The following DLG5 variants were observed in gnomAD, a reference collection of about 807,000 sequenced individuals.
The protein encoded by DLG5 is discs large MAGUK scaffold protein 5.
In DLG5, 48 loss-of-function variants were observed where a neutral mutation model predicts 189.8. The observed-to-expected ratio is 0.25, with a 90% CI of 0.20 to 0.32. DLG5 has a LOEUF of 0.32. DLG5 is among the 10% of genes least tolerant of loss of function. The probability of loss-of-function intolerance (pLI) is 1.00; values close to 1 mark genes in which losing one functional copy is unlikely to be tolerated. For synonymous variants in DLG5, 1,016 were observed against 1,054.1 expected (o/e 0.96, Z 0.70); for missense variants, 2,160 against 2,544.7 (o/e 0.85, Z 3.25).
At chr10:77,930,660 T>G (rs1846778375), upstream of DLG5, among the ~76,000 whole-genome samples, 1 of 150,706 alleles carries the variant, frequency 6.6e-6, no homozygotes, top group African/African-American at 2.4e-5. Flanking sequence ...ATTTATTTAT[T>G]TTATTCATTT....
intron 20 of DLG5, among the ~76,000 whole-genome samples, chr10:77,815,673 T>C (rs1009234821): frequency 5.3e-5 from 8 of 152,138 alleles, no homozygotes; most frequent in Admixed American, 6.6e-5. Flanking sequence ...AAAAAAAATA[T>C]GTTTTCTTAA....
At chr10:77,816,836 G>T in intron 19 of DLG5, 135 bp from the exon 20 acceptor site, 2 of 1,389,114 alleles carry the variant, frequency 1.4e-6, no homozygotes, top group Non-Finnish European at 2.0e-6. Context: ...CAGATGCTAG[G>T]CTCTGCATTG....
chr10:77,868,174 C>T lies in DLG5; in HGVS notation c.373+955G>A, dbSNP rs1386231877. The T allele has an allele frequency of 3.4e-5, 15 of 445,394 alleles. No individual in the cohort carries two copies. The East Asian group carries it at 3.5e-4, about 10-fold the overall frequency. The allele number at this position is 445,394 out of a possible 1,614,324, so 27.6% of individuals were successfully genotyped here. ...TCTGCTGTGTAAGCCACCTGGTCTGCGGCACTTTGTTATAGCAGCCCTAGA... is the reference window on the plus strand; with the variant it reads ...TCTGCTGTGTAAGCCACCTGGTCTGTGGCACTTTGTTATAGCAGCCCTAGA... On this transcript the variant is annotated intron_variant, in intron 2 of 31. Transcript: ENST00000372391.
intron 21 of DLG5, 24 bp from the exon 22 acceptor site, chr10:77,812,081 C>G (rs1568131742): frequency 6.2e-7 from 1 of 1,606,976 alleles, no homozygotes; most frequent in Non-Finnish European, 8.5e-7. Flanking sequence ...AGGATGGGCT[C>G]AGTGGGGGGG....
In DLG5 at chr10:77,926,271, G is replaced by A. The variant is rs1846689802; in HGVS notation, c.250C>T (p.Pro84Ser). ...ALEKTQPHLL[P>S]ILYLNGVVGP... ...ACGACGCCGTTCAGGTAGAGAATGGGCAGCAGGTGAGGCTGCGTCTTCTCC... is the reference window on the plus strand; with the variant it reads ...ACGACGCCGTTCAGGTAGAGAATGGACAGCAGGTGAGGCTGCGTCTTCTCC... The change falls in exon 1 of 32, where the codon CCC becomes TCC. Residue 84 changes from proline (P) to serine (S), a missense_variant. Pro to Ser is a moderately conservative substitution (Grantham distance 74, BLOSUM62 -1). Transcript: ENST00000372391. This position sits in a 1 kb window ranked among gnomAD's most constrained non-coding sequence, Gnocchi z 5.2. 1.9e-6 allele frequency: 3 copies of A among 1,580,660 alleles called. No homozygotes were observed. Among genetic ancestry groups the A allele is most frequent in the African/African-American group, 1.4e-5 (1 of 72,978 alleles).
At position 77,794,073 on chromosome 10, in the gene DLG5, C is replaced by T. The variant is rs747540998; in HGVS notation, c.5591G>A (p.Arg1864Lys). The T allele has an allele frequency of 2.5e-6, 4 of 1,614,220 alleles. No individual in the cohort carries two copies. The highest frequency in any genetic ancestry group is 3.4e-6 in the Non-Finnish European group (4 of 1,180,036). Reference sequence around the variant, plus strand: ...CGCCTCAAACTGCTCTTTGGAATGCCTCTGAGTCACCTTGTCCCTCAGGTA... The same window carrying T: ...CGCCTCAAACTGCTCTTTGGAATGCTTCTGAGTCACCTTGTCCCTCAGGTA... ...PIYLRDKVTQ[R>K]HSKEQFEAAQ... Residue 1864 changes from arginine (R) to lysine (K), a missense_variant, in exon 31 of 32, where the codon AGG becomes AAG. Arg to Lys is a conservative substitution (Grantham distance 26). Transcript: ENST00000372391.
chr10:77,824,782 G>A (rs1842537915), intron 13 of DLG5: 2 of 311,698 alleles, frequency 6.4e-6, no homozygotes, highest in Non-Finnish European at 1.2e-5. Context: ...TGTGGCGTGG[G>A]ACCTTGGCTC....
chr10:77,826,743 C>A (rs553415244), intron 13 of DLG5, among the ~76,000 whole-genome samples: 11 of 152,280 alleles, frequency 7.2e-5, no homozygotes, highest in Admixed American at 5.2e-4. Flanking sequence ...ACGTCAGGAG[C>A]TCGAGACCAG....
intron 5 of DLG5, among the ~76,000 whole-genome samples, chr10:77,851,323 G>C (rs1843964353): frequency 6.6e-6 from 1 of 152,204 alleles, no homozygotes; most frequent in African/African-American, 2.4e-5. Flanking sequence ...CACAAGGAAG[G>C]GTCCCTGCAG....
At chr10:77,824,676 T>A in intron 13 of DLG5, 200 bp from the exon 14 acceptor site, 2 of 548,918 alleles carry the variant, frequency 3.6e-6, no homozygotes, top group Non-Finnish European at 6.4e-6. Flanking sequence ...GAGGAACACA[T>A]AAGCCTTCAC....
At chr10:77,921,027 C>T (rs1210651591) in intron 1 of DLG5, among the ~76,000 whole-genome samples, 1 of 152,160 alleles carries the variant, frequency 6.6e-6, no homozygotes, top group Non-Finnish European at 1.5e-5. Flanking sequence ...GACTCTGCCA[C>T]TTCCTCTTAA....
At chr10:77,924,767 CA>C (rs1160509587) in intron 1 of DLG5, among the ~76,000 whole-genome samples, 15 of 152,252 alleles carry the variant, frequency 9.9e-5, no homozygotes, top group Admixed American at 9.2e-4. Context: ...GACAGAGATG[CA>C]AGTCAGAAGC....
chr10:77,796,566 G>A lies in DLG5; in HGVS notation c.5193C>T (p.Val1731=). The A allele has an allele frequency of 1.2e-6, 2 of 1,614,056 alleles. No individual in the cohort carries two copies. The highest frequency in any genetic ancestry group is 1.7e-6 in the Non-Finnish European group (2 of 1,179,996). The change falls in exon 28 of 32, where the codon GTC becomes GTT. Residue 1731 remains valine, a synonymous_variant. Coordinates refer to ENST00000372391, the MANE Select transcript of DLG5 (RefSeq NM_004747.4). This position sits in a 1 kb window ranked among gnomAD's most constrained non-coding sequence, Gnocchi z 5.2. Reference sequence around the variant, plus strand: ...TCAGAGCGGTGCAGTCCACCTTCTGGACCCGCTGATAGGCCAGGCTCACCG... The same window carrying A: ...TCAGAGCGGTGCAGTCCACCTTCTGAACCCGCTGATAGGCCAGGCTCACCG... The part of the protein sequence containing the change: ...EDSVSLAYQR[V]QKVDCTALRP...
rs778011885 is a variant in DLG5, at chr10:77,794,971, G to A, written c.5437-13C>T. The A allele has an allele frequency of 1.9e-5, 30 of 1,611,158 alleles. No individual in the cohort carries two copies. The highest frequency in any genetic ancestry group is 2.4e-5 in the Non-Finnish European group (28 of 1,178,502). On this transcript the variant is annotated splice_polypyrimidine_tract_variant and intron_variant, in intron 29 of 31. Transcript: ENST00000372391. ...GGCAGTGTCGGTTCTGGGGTGGGGG[G>A]TGCAGAGTGAGCCCTGGCGGGCAGT...
rs1028525972 is a variant in DLG5 at position 77,817,641 on chromosome 10, TAGAGA to T, written c.3784+131_3784+135del. The stretch of plus-strand genomic sequence containing the variant: ...CCATGAAGGAAGCAGCCCTTCCCAG[TAGAGA>T]AATGAGCTCAGTCCCAGGAGGTGAC... On this transcript the variant is annotated intron_variant, in intron 18 of 31. Coordinates refer to ENST00000372391, the MANE Select transcript of DLG5 (RefSeq NM_004747.4). 4.2e-6 allele frequency: 3 copies of T among 719,012 alleles called. No homozygotes were observed. In the African/African-American group the frequency reaches 5.3e-5, roughly 13 times the overall value. 44.5% of individuals were successfully genotyped at this position (719,012 alleles called of 1,614,324 possible).
chr10:77,801,262 G>A (rs574341092), intron 27 of DLG5, among the ~76,000 whole-genome samples: 1 of 152,250 alleles, frequency 6.6e-6, no homozygotes, highest in African/African-American at 2.4e-5. Flanking sequence ...GAGAATTAAA[G>A]CCTGGTAAAA....
At chr10:77,828,634 T>G (rs1161727674) in intron 13 of DLG5, among the ~76,000 whole-genome samples, 1 of 151,916 alleles carries the variant, frequency 6.6e-6, no homozygotes, top group African/African-American at 2.4e-5. Context: ...CAGAGAGAGA[T>G]AGAGAAAGGT....
At position 77,842,222 on chromosome 10, in the gene DLG5, A is replaced by G. The variant is rs1264966323; in HGVS notation, c.1125-29T>C. On this transcript the variant is annotated intron_variant, in intron 6 of 31. Coordinates refer to ENST00000372391, the MANE Select transcript of DLG5 (RefSeq NM_004747.4). ...GCAAGAGAGGTGGCGAGATGTGGGAAGGGCGGGGGCCCTGCCCGGTCAGTG... is the reference window on the plus strand; with the variant it reads ...GCAAGAGAGGTGGCGAGATGTGGGAGGGGCGGGGGCCCTGCCCGGTCAGTG... 3 of 1,589,056 alleles carry G rather than the reference A, an allele frequency of 1.9e-6. No individual in the cohort carries two copies. In the East Asian group the frequency reaches 6.7e-5, roughly 36 times the overall value.
At chr10:77,793,590 C>T (rs964368173) in intron 31 of DLG5, 35 of 162,934 alleles carry the variant, frequency 2.1e-4, no homozygotes, top group Non-Finnish European at 3.2e-4. Flanking sequence ...TGCCAAATCC[C>T]GCTGCAAAAC....
Sources: allele counts gnomAD v4.1 joint callset (sites outside exome capture counted in the v4.1 genomes callset), GRCh38; gene constraint gnomAD v4.1.1; non-coding constraint Gnocchi (gnomAD v3.1); transcripts MANE v1.5; gene names NCBI Gene and HGNC (gene_info 2026-07-23, HGNC 2026-07-21).